The following PPARG variants were observed in gnomAD, a reference collection of about 807,000 sequenced individuals.
PPARG encodes peroxisome proliferator activated receptor gamma, also known as peroxisome proliferator-activated receptor gamma.
In PPARG, 17 loss-of-function variants were observed where a neutral mutation model predicts 39.2. The ratio of observed to expected loss-of-function variants is 0.43; its 90% CI spans 0.30 to 0.65. The LOEUF (loss-of-function observed/expected upper bound fraction) is 0.65. Ranked by LOEUF, PPARG falls within the 30% of genes least tolerant of loss-of-function variation. The probability of loss-of-function intolerance (pLI) is 0.13; values close to 1 mark genes in which losing one functional copy is unlikely to be tolerated. For missense variants in PPARG, 406 were observed against 585.9 expected (o/e 0.69, Z 3.17); for synonymous variants, 223 against 215.7 (o/e 1.03, Z -0.30).
At chr3:12,323,907 G>A (rs1414648477) in intron 2 of PPARG, among the ~76,000 whole-genome samples, 1 of 152,164 alleles carries the variant, frequency 6.6e-6, no homozygotes, top group Non-Finnish European at 1.5e-5. Flanking sequence ...GCTAATTTGG[G>A]CAGCGAGTAG....
At chr3:12,320,393 A>G (rs2047507993) in intron 2 of PPARG, among the ~76,000 whole-genome samples, 2 of 152,202 alleles carry the variant, frequency 1.3e-5, no homozygotes, top group Non-Finnish European at 2.9e-5. Context: ...ATGTGTTTTC[A>G]TTAATTTAAG....
chr3:12,363,967 C>T (rs1212376134), intron 2 of PPARG, among the ~76,000 whole-genome samples: 1 of 152,158 alleles, frequency 6.6e-6, no homozygotes, highest in East Asian at 1.9e-4. Flanking sequence ...CATATACTTC[C>T]TGTCCCCCAC....
intron 2 of PPARG, among the ~76,000 whole-genome samples, chr3:12,322,079 C>T (rs2047562688): frequency 6.6e-6 from 1 of 152,196 alleles, no homozygotes; most frequent in South Asian, 2.1e-4. Flanking sequence ...GAGAGATATG[C>T]ATTTACAATT....
At chr3:12,316,462 T>G (rs1377749249) in intron 2 of PPARG, among the ~76,000 whole-genome samples, 2 of 152,126 alleles carry the variant, frequency 1.3e-5, no homozygotes, top group Admixed American at 6.5e-5. Context: ...GGAGTTAGTG[T>G]TTAATGGGGA....
Position 12,289,148 on chromosome 3 carries a change from C to T in PPARG, c.-83+14C>T, listed in dbSNP as rs1035195488. 3 of 152,198 alleles carry T rather than the reference C, an allele frequency of 2.0e-5. No individual in the cohort carries two copies. Among genetic ancestry groups the T allele is most frequent in the Non-Finnish European group, 4.4e-5 (3 of 68,034 alleles). 9.4% of individuals were successfully genotyped at this position (152,198 alleles called of 1,614,324 possible). On this transcript the variant is annotated intron_variant, in intron 1 of 7. Coordinates refer to ENST00000651735, the MANE Select transcript of PPARG (RefSeq NM_138711.6). ...CCCTTTCCTTAGGTGAGTTGGCTCA[C>T]TCTCATTGCATTTTGTTGGAATGTG...
intron 2 of PPARG, among the ~76,000 whole-genome samples, chr3:12,355,388 G>A (rs2048629507): frequency 6.6e-6 from 1 of 152,194 alleles, no homozygotes; most frequent in African/African-American, 2.4e-5. Context: ...CTCCCGCCTC[G>A]ACCTCCCAAA....
chr3:12,372,959 G>A (rs1559512485), intron 2 of PPARG, among the ~76,000 whole-genome samples: 1 of 152,168 alleles, frequency 6.6e-6, no homozygotes, highest in African/African-American at 2.4e-5. Flanking sequence ...TGAAATTAAT[G>A]GATATACCAC....
chr3:12,405,270 A>G (rs561778665), intron 5 of PPARG, among the ~76,000 whole-genome samples: 24 of 152,302 alleles, frequency 1.6e-4, no homozygotes, highest in African/African-American at 5.8e-4. Context: ...TCTGACAAAC[A>G]TCATTAAGTG....
intron 6 of PPARG, among the ~76,000 whole-genome samples, chr3:12,410,391 T>G (rs992427252): frequency 2.6e-5 from 4 of 152,354 alleles, no homozygotes; most frequent in Admixed American, 1.3e-4. Context: ...ATCCCATGTT[T>G]GTTGATGAAA....
intron 2 of PPARG, among the ~76,000 whole-genome samples, chr3:12,341,679 C>T (rs968504528): frequency 3.9e-5 from 6 of 152,212 alleles, no homozygotes; most frequent in South Asian, 2.1e-4. Context: ...CATTGTGGCA[C>T]GCGCCTGTGG....
chr3:12,404,217 A>G (rs1210457816), intron 5 of PPARG, among the ~76,000 whole-genome samples: 2 of 152,222 alleles, frequency 1.3e-5, no homozygotes, highest in Non-Finnish European at 2.9e-5. Context: ...GTATCTAAAT[A>G]TAGGCTAATT....
intron 5 of PPARG, 120 bp from the exon 6 acceptor site, chr3:12,405,762 C>A: frequency 1.0e-6 from 1 of 986,974 alleles, no homozygotes; most frequent in Non-Finnish European, 1.6e-6. Context: ...GAAACCAGGA[C>A]TCAAGAGCAG....
chr3:12,317,612 T>G (rs2047424074), intron 2 of PPARG, among the ~76,000 whole-genome samples: 1 of 152,200 alleles, frequency 6.6e-6, no homozygotes, highest in African/African-American at 2.4e-5. Context: ...AATTATGTTT[T>G]ATTCTTATAC....
At chr3:12,419,196 C>T (rs1373120763) in intron 7 of PPARG, among the ~76,000 whole-genome samples, 3 of 152,024 alleles carry the variant, frequency 2.0e-5, no homozygotes, top group African/African-American at 7.2e-5. Flanking sequence ...CCGCCTGCCT[C>T]GGCCTCCCAA....
chr3:12,376,282 A>G (rs2049405810), intron 2 of PPARG, among the ~76,000 whole-genome samples: 1 of 152,154 alleles, frequency 6.6e-6, no homozygotes, highest in South Asian at 2.1e-4. Context: ...ATGACAGCCG[A>G]AATCTTCAAT....
At chr3:12,383,291 C>A (rs576406518) in intron 4 of PPARG, among the ~76,000 whole-genome samples, 6 of 152,124 alleles carry the variant, frequency 3.9e-5, no homozygotes, top group African/African-American at 1.4e-4. Context: ...CACTAAAACC[C>A]GTTCGTTCTG....
chr3:12,344,635 A>G (rs1227520656), intron 2 of PPARG, among the ~76,000 whole-genome samples: 1 of 152,122 alleles, frequency 6.6e-6, no homozygotes, highest in Non-Finnish European at 1.5e-5. Context: ...AAGATTCCAT[A>G]CTCTATATAC....
intron 2 of PPARG, among the ~76,000 whole-genome samples, chr3:12,323,456 G>A (rs550858934): frequency 1.3e-5 from 2 of 151,100 alleles, no homozygotes; most frequent in South Asian, 4.1e-4. Context: ...CCATGCCAAA[G>A]GAGGGGACTT....
intron 7 of PPARG, among the ~76,000 whole-genome samples, chr3:12,423,554 C>T (rs1028283419): frequency 3.3e-5 from 5 of 152,228 alleles, no homozygotes; most frequent in African/African-American, 4.8e-5. Context: ...GAGGAAACTC[C>T]GGCTTATGGA....
Sources: gnomAD v4.1 joint callset for allele counts (sites outside exome capture counted in the v4.1 genomes callset) on GRCh38, gnomAD v4.1.1 for gene constraint, MANE v1.5 for transcripts, NCBI Gene and HGNC (gene_info 2026-07-23, HGNC 2026-07-21) for gene names.